Variants in AAMDC observed in about 807,000 individuals in gnomAD.
AAMDC encodes mth938 domain-containing protein.
In AAMDC, 16 loss-of-function variants were observed where a neutral mutation model predicts 15.5. That is an observed-to-expected ratio of 1.03 (90% CI 0.70 to 1.57). The LOEUF (loss-of-function observed/expected upper bound fraction) is 1.57. Among genes scored for constraint, AAMDC ranks in the 40% most tolerant of loss-of-function variants. AAMDC has a pLI of 0.00. For synonymous variants in AAMDC, 51 were observed against 51.6 expected, an observed-to-expected ratio of 0.99 and a Z score of 0.05; for missense variants, 141 against 144.9, an observed-to-expected ratio of 0.97 and a Z score of 0.14.
chr11:77,840,607 CTA>C (rs1295006888), intron 1 of AAMDC, among the ~76,000 whole-genome samples: 2 of 152,094 alleles, frequency 1.3e-5, no homozygotes, highest in East Asian at 3.9e-4. Context: ...CTGGGTATCC[CTA>C]TGTTACCCAG....
At chr11:77,894,204 T>C in intron 5 of AAMDC, 2 of 690,700 alleles carry the variant, frequency 2.9e-6, no homozygotes. Flanking sequence ...CCAAGGAATG[T>C]GATTTGTGAT....
At chr11:77,844,123 T>G (rs531325692) in intron 2 of AAMDC, among the ~76,000 whole-genome samples, 1 of 152,138 alleles carries the variant, frequency 6.6e-6, no homozygotes, top group East Asian at 1.9e-4. Flanking sequence ...CTCTTCTAGT[T>G]TGCAGACAGC....
At chr11:77,867,573 A>C (rs1951175449) in intron 2 of AAMDC, among the ~76,000 whole-genome samples, 1 of 152,240 alleles carries the variant, frequency 6.6e-6, no homozygotes, top group Non-Finnish European at 1.5e-5. Context: ...TGCTGGATGA[A>C]TGAATGAAAG....
At chr11:77,822,638 TACTC>T (rs1165857609) in intron 1 of AAMDC, among the ~76,000 whole-genome samples, 2 of 152,130 alleles carry the variant, frequency 1.3e-5, no homozygotes, top group Non-Finnish European at 2.9e-5. Flanking sequence ...AAAGAAAGAA[TACTC>T]AATTTATCAA....
chr11:77,887,924 G>A (rs912439514), intron 5 of AAMDC, among the ~76,000 whole-genome samples: 2 of 152,096 alleles, frequency 1.3e-5, no homozygotes, highest in African/African-American at 4.8e-5. Flanking sequence ...AAATAAAAGA[G>A]GATACAAACA....
chr11:77,903,603 C>G (rs139297026), downstream of AAMDC: 25 of 1,613,586 alleles, frequency 1.5e-5, no homozygotes, highest in Non-Finnish European at 2.1e-5. Flanking sequence ...CTACATTCCA[C>G]AACTTTTCCT....
intron 2 of AAMDC, among the ~76,000 whole-genome samples, chr11:77,859,201 G>T (rs1373890777): frequency 2.0e-5 from 3 of 152,224 alleles, no homozygotes; most frequent in African/African-American, 7.2e-5. Context: ...GAGTACAGGG[G>T]CTTGGTTTCC....
At chr11:77,900,554 T>C (rs1289907100) in intron 5 of AAMDC, 8 of 652,850 alleles carry the variant, frequency 1.2e-5, no homozygotes, top group Non-Finnish European at 2.2e-5. Flanking sequence ...TATGGCACTT[T>C]TTTTTTTTTG....
At chr11:77,891,485 A>C (rs1952263495) in intron 5 of AAMDC, 1 of 1,612,868 alleles carries the variant, frequency 6.2e-7, no homozygotes, top group African/African-American at 1.3e-5. Context: ...GGAAAATCCT[A>C]TGATTTTAAA....
At chr11:77,851,523 A>G (rs1950382390) in intron 2 of AAMDC, 1 of 152,064 alleles carries the variant, frequency 6.6e-6, no homozygotes, top group African/African-American at 2.4e-5. Flanking sequence ...CCCCACCCAA[A>G]TCTTTTGTTG....
intron 5 of AAMDC, chr11:77,884,783 C>A: frequency 2.4e-6 from 1 of 408,260 alleles, no homozygotes; most frequent in Non-Finnish European, 5.0e-6. Flanking sequence ...AAAACAGGGT[C>A]TTACTCTGCC....
At chr11:77,842,377 G>T (rs984468722) in intron 1 of AAMDC, 102 bp from the exon 2 acceptor site, 2 of 1,107,080 alleles carry the variant, frequency 1.8e-6, no homozygotes, top group Admixed American at 2.7e-5. Context: ...ATGAAAAGAT[G>T]CTTCTTAAAT....
At position 77,852,956 on chromosome 11, in the gene AAMDC, G is replaced by A. The variant is rs534186801; in HGVS notation, c.132+10328G>A. On this transcript the variant is annotated intron_variant, in intron 2 of 3. Coordinates refer to ENST00000393427, the MANE Select transcript of AAMDC (RefSeq NM_024684.4). ...CTTTAGTCCTAAGGGATGGGTACTC[G>A]ATTGCTTTCAATATTTTAGTACTAT... Among the ~76,000 whole-genome samples the A allele has an allele frequency of 7.2e-5, 11 of 152,114 alleles. 1 individual carries two copies. In the East Asian group the frequency reaches 7.7e-4, roughly 11 times the overall value.
intron 5 of AAMDC, among the ~76,000 whole-genome samples, chr11:77,879,322 G>C (rs1951702299): frequency 6.6e-6 from 1 of 152,110 alleles, no homozygotes; most frequent in African/African-American, 2.4e-5. Context: ...CTTCCCCTTG[G>C]GCTCACTGTG....
intron 2 of AAMDC, among the ~76,000 whole-genome samples, chr11:77,845,446 G>GC (rs1339425396): frequency 6.6e-6 from 1 of 150,786 alleles, no homozygotes; most frequent in Non-Finnish European, 1.5e-5. Context: ...TTTTTTGGTG[G>GC]GGGGGATAGA....
intron 2 of AAMDC, among the ~76,000 whole-genome samples, chr11:77,861,825 T>C (rs1354304762): frequency 6.6e-6 from 1 of 152,068 alleles, no homozygotes; most frequent in Non-Finnish European, 1.5e-5. Flanking sequence ...TTCTGCCTGC[T>C]CCTCCTGATC....
downstream of AAMDC, among the ~76,000 whole-genome samples, chr11:77,873,531 T>C (rs1951514270): frequency 6.6e-6 from 1 of 152,222 alleles, no homozygotes; most frequent in African/African-American, 2.4e-5. Context: ...GGACAGCCTA[T>C]TACTAATTTT....
chr11:77,848,495 T>G (rs1950236355), intron 2 of AAMDC, among the ~76,000 whole-genome samples: 1 of 151,876 alleles, frequency 6.6e-6, no homozygotes, highest in Non-Finnish European at 1.5e-5. Flanking sequence ...GTAGCTGGGA[T>G]TACAGGCACC....
intron 5 of AAMDC, among the ~76,000 whole-genome samples, chr11:77,883,381 T>G (rs1951868803): frequency 6.6e-6 from 1 of 152,108 alleles, no homozygotes; most frequent in Non-Finnish European, 1.5e-5. Flanking sequence ...AATTCAGACA[T>G]AAGTTGGCAA....
Sources: gnomAD v4.1 joint callset for allele counts (sites outside exome capture counted in the v4.1 genomes callset) on GRCh38, gnomAD v4.1.1 for gene constraint, MANE v1.5 for transcripts, NCBI Gene and HGNC (gene_info 2026-07-23, HGNC 2026-07-21) for gene names.